Variants in RUNDC3B observed in about 807,000 individuals in gnomAD.
RUNDC3B encodes RUN domain-containing protein 3B.
Under a neutral mutation model 58.4 loss-of-function variants are expected in RUNDC3B, and 33 were observed. The ratio of observed to expected loss-of-function variants is 0.56; its 90% CI spans 0.43 to 0.75. The LOEUF (loss-of-function observed/expected upper bound fraction) is 0.75. Among genes scored for constraint, RUNDC3B ranks in the 30% least tolerant of loss-of-function variants. The pLI is 0.00. For synonymous variants in RUNDC3B, 193 were observed against 195.2 expected (o/e 0.99, Z 0.10); for missense variants, 501 against 535.7 (o/e 0.94, Z 0.64).
chr7:87,782,796 C>T (rs1413160995), intron 8 of RUNDC3B, among the ~76,000 whole-genome samples: 1 of 152,064 alleles, frequency 6.6e-6, no homozygotes, highest in Admixed American at 6.6e-5. Context: ...TTGCTATTCA[C>T]TTCAATTTTT....
At chr7:87,676,584 G>A (rs1225273994) in intron 2 of RUNDC3B, among the ~76,000 whole-genome samples, 2 of 151,354 alleles carry the variant, frequency 1.3e-5, no homozygotes, top group African/African-American at 4.9e-5. Context: ...TATGCCTGTA[G>A]TCCCAGCTAC....
At chr7:87,757,586 C>G (rs1212727240) in intron 6 of RUNDC3B, among the ~76,000 whole-genome samples, 1 of 152,052 alleles carries the variant, frequency 6.6e-6, no homozygotes, top group East Asian at 1.9e-4. Context: ...AGTGTCCCAT[C>G]ACACCAAGCA....
chr7:87,723,709 A>C (rs1268805009), intron 4 of RUNDC3B, among the ~76,000 whole-genome samples: 1 of 152,320 alleles, frequency 6.6e-6, no homozygotes, highest in East Asian at 1.9e-4. Flanking sequence ...ATACAAGACT[A>C]GGATTGTGCA....
intron 2 of RUNDC3B, among the ~76,000 whole-genome samples, chr7:87,673,751 A>G (rs1255581986): frequency 1.3e-5 from 2 of 152,170 alleles, no homozygotes; most frequent in Admixed American, 1.3e-4. Context: ...ATTGCTGGGA[A>G]ACTAGGTAGT....
Position 87,830,212 on chromosome 7 carries a change from C to T in RUNDC3B, c.*182C>T, listed in dbSNP as rs1389819722. On this transcript the variant is annotated 3_prime_UTR_variant, in exon 11 of 11. Coordinates refer to ENST00000394654, the MANE Select transcript of RUNDC3B (RefSeq NM_001134405.2). ...AAAACATAATGATCCTGCCATTTTTCATTTTTAAAATTCTTACATTTGTCA... is the reference window on the plus strand; with the variant it reads ...AAAACATAATGATCCTGCCATTTTTTATTTTTAAAATTCTTACATTTGTCA... The T allele has an allele frequency of 2.8e-6, 1 of 359,836 alleles. No homozygotes were observed. Among genetic ancestry groups the T allele is most frequent in the African/African-American group, 2.1e-5 (1 of 47,230 alleles). 22.3% of individuals were successfully genotyped at this position (359,836 alleles called of 1,614,324 possible). A position where few individuals can be genotyped will look rare whatever the true frequency, so the allele number is the denominator to read the frequency against.
At chr7:87,635,174 A>G (rs770780982) in intron 1 of RUNDC3B, among the ~76,000 whole-genome samples, 1 of 152,184 alleles carries the variant, frequency 6.6e-6, no homozygotes, top group Non-Finnish European at 1.5e-5. Flanking sequence ...TTTATAAAAT[A>G]TATCCCTGGG....
At chr7:87,647,193 GA>G (rs1823093624) in intron 1 of RUNDC3B, among the ~76,000 whole-genome samples, 1 of 152,180 alleles carries the variant, frequency 6.6e-6, no homozygotes, top group Non-Finnish European at 1.5e-5. Flanking sequence ...TGGCATTTCT[GA>G]AAGTGTACTT....
intron 1 of RUNDC3B, among the ~76,000 whole-genome samples, chr7:87,643,606 T>C (rs1183801621): frequency 2.6e-5 from 4 of 152,060 alleles, no homozygotes; most frequent in Non-Finnish European, 4.4e-5. Context: ...CTGCAACTTC[T>C]GCCTCCCAGG....
At chr7:87,648,342 A>G (rs1823235544) in intron 1 of RUNDC3B, among the ~76,000 whole-genome samples, 1 of 152,162 alleles carries the variant, frequency 6.6e-6, no homozygotes, top group East Asian at 1.9e-4. Flanking sequence ...AAAGGAACTT[A>G]GTGGAGGCAA....
At chr7:87,754,307 T>C (rs1053836975) in intron 6 of RUNDC3B, among the ~76,000 whole-genome samples, 6 of 152,176 alleles carry the variant, frequency 3.9e-5, no homozygotes, top group Middle Eastern at 3.4e-3. Flanking sequence ...CATGAAATTA[T>C]GTAGGAATTA....
rs1824262436 is a variant in RUNDC3B at position 87,657,793 on chromosome 7, A to G, written c.238+6856A>G. On this transcript the variant is annotated intron_variant, in intron 2 of 10. Transcript: ENST00000394654. ...AACCATGTAGGAAGCCTGGACTCCA[A>G]GTCCCACACAGTAGTAATGAGGATG... 3.3e-5 allele frequency among the ~76,000 whole-genome samples: 5 copies of G among 152,144 alleles called. 1 individual carries two copies. The South Asian group carries it at 1.0e-3, about 32-fold the overall frequency.
intron 2 of RUNDC3B, among the ~76,000 whole-genome samples, chr7:87,675,958 T>A (rs1411897109): frequency 1.3e-5 from 2 of 152,218 alleles, no homozygotes; most frequent in Admixed American, 1.3e-4. Context: ...GGCTCATACC[T>A]GTAATCCCAG....
At chr7:87,643,308 T>G (rs1822636691) in intron 1 of RUNDC3B, among the ~76,000 whole-genome samples, 1 of 152,170 alleles carries the variant, frequency 6.6e-6, no homozygotes, top group South Asian at 2.1e-4. Flanking sequence ...GGTACAAATT[T>G]CAGGGAAGAT....
rs1838149190 is a variant in RUNDC3B at position 87,831,977 on chromosome 7, T to A, written c.*1947T>A. ...AATGTGTAATTTGTGCATCTTCACATGCTGCTAAATGCAGATTTAAACATT... is the reference window on the plus strand; with the variant it reads ...AATGTGTAATTTGTGCATCTTCACAAGCTGCTAAATGCAGATTTAAACATT... On this transcript the variant is annotated 3_prime_UTR_variant, in exon 11 of 11. Transcript: ENST00000394654. 1 of 152,010 alleles carries A rather than the reference T, an allele frequency of 6.6e-6. No homozygotes were observed. Among genetic ancestry groups the A allele is most frequent in the Non-Finnish European group, 1.5e-5 (1 of 67,900 alleles). The allele number at this position is 152,010 out of a possible 1,614,324, so 9.4% of individuals were successfully genotyped here.
intron 1 of RUNDC3B, among the ~76,000 whole-genome samples, chr7:87,640,391 C>G (rs1822310166): frequency 1.3e-5 from 2 of 152,076 alleles, no homozygotes; most frequent in African/African-American, 4.8e-5. Context: ...TGCTGTGTTG[C>G]CCAGGCTGGA....
intron 1 of RUNDC3B, among the ~76,000 whole-genome samples, chr7:87,636,492 G>T (rs1303025163): frequency 6.6e-6 from 1 of 152,102 alleles, no homozygotes; most frequent in Non-Finnish European, 1.5e-5. Flanking sequence ...TACATGTAAT[G>T]CAAATGTCTT....
chr7:87,727,995 T>C (rs1831346253), intron 4 of RUNDC3B, among the ~76,000 whole-genome samples: 1 of 152,174 alleles, frequency 6.6e-6, no homozygotes, highest in Non-Finnish European at 1.5e-5. Context: ...TAGCAGAGAA[T>C]ATTATTAAAG....
chr7:87,664,688 T>C (rs1241165304), intron 2 of RUNDC3B, among the ~76,000 whole-genome samples: 5 of 152,062 alleles, frequency 3.3e-5, no homozygotes, highest in African/African-American at 1.2e-4. Context: ...AGTAAATCAA[T>C]AGAAATGATC....
At chr7:87,812,707 C>T (rs767375139) in intron 9 of RUNDC3B, among the ~76,000 whole-genome samples, 10 of 152,098 alleles carry the variant, frequency 6.6e-5, no homozygotes, top group Admixed American at 2.0e-4. Flanking sequence ...CTCTTACTGT[C>T]TTGGGTTCTT....
Sources: gnomAD v4.1 joint callset for allele counts (sites outside exome capture counted in the v4.1 genomes callset) on GRCh38, gnomAD v4.1.1 for gene constraint, MANE v1.5 for transcripts, NCBI Gene and HGNC (gene_info 2026-07-23, HGNC 2026-07-21) for gene names.